Variants in SUGCT observed in about 807,000 individuals in gnomAD.
SUGCT encodes the protein succinyl-CoA:glutarate-CoA transferase.
In SUGCT, 41 loss-of-function variants were observed where a neutral mutation model predicts 55.0. The observed-to-expected ratio is 0.74, with a 90% CI of 0.58 to 0.97. SUGCT has a LOEUF of 0.97. Ranked by LOEUF, SUGCT falls within the 50% of genes least tolerant of loss-of-function variation. The pLI, the probability that SUGCT is intolerant of heterozygous loss-of-function variation, is 0.00. For synonymous variants in SUGCT, 187 were observed against 200.4 expected (o/e 0.93, Z 0.56); for missense variants, 568 against 547.8 (o/e 1.04, Z -0.37).
chr7:40,959,044 A>C, the SUGCT span, among the ~76,000 whole-genome samples: 1 of 152,128 alleles, frequency 6.6e-6, no homozygotes, highest in Non-Finnish European at 1.5e-5. Context: ...TGGAAGCTTC[A>C]TCCCAGAGGG....
the SUGCT span, among the ~76,000 whole-genome samples, chr7:41,001,041 T>A: frequency 6.6e-6 from 1 of 152,218 alleles, no homozygotes; most frequent in African/African-American, 2.4e-5. Flanking sequence ...CATGTGGAGA[T>A]GACAGACAAG....
At chr7:40,672,178 A>G (rs1246941308) in intron 12 of SUGCT, among the ~76,000 whole-genome samples, 12 of 152,236 alleles carry the variant, frequency 7.9e-5, no homozygotes, top group Admixed American at 4.6e-4. Context: ...TTCACATCCT[A>G]TACAAAAATT....
chr7:40,420,832 C>T (rs993322555), intron 9 of SUGCT, among the ~76,000 whole-genome samples: 1 of 152,088 alleles, frequency 6.6e-6, no homozygotes. Context: ...CACACCCACA[C>T]ACTATATATA....
chr7:40,842,702 C>A (rs754767386), intron 13 of SUGCT, among the ~76,000 whole-genome samples: 1 of 152,120 alleles, frequency 6.6e-6, no homozygotes, highest in African/African-American at 2.4e-5. Flanking sequence ...TTCTTGAACA[C>A]CTGTTTTTAT....
chr7:40,982,876 A>G, the SUGCT span, among the ~76,000 whole-genome samples: 1 of 152,026 alleles, frequency 6.6e-6, no homozygotes, highest in Admixed American at 6.6e-5. Context: ...CTCAAACTCC[A>G]AGGCTCAAGC....
rs1791396108 is a variant in SUGCT at position 40,486,950 on chromosome 7, C to G, written c.987-9334C>G. Among the ~76,000 whole-genome samples the G allele has an allele frequency of 2.0e-5, 3 of 151,502 alleles. No individual in the cohort carries two copies. In the South Asian group the frequency reaches 6.2e-4, roughly 32 times the overall value. On this transcript the variant is annotated intron_variant, in intron 11 of 13. Transcript: ENST00000335693. ...TATGTTTCCCAGGCTGCTCTTAACTCTTGTTAAGGAGCATGTTCAGGAGCA... is the reference window on the plus strand; with the variant it reads ...TATGTTTCCCAGGCTGCTCTTAACTGTTGTTAAGGAGCATGTTCAGGAGCA...
intron 6 of SUGCT, among the ~76,000 whole-genome samples, chr7:40,210,685 T>C (rs1371402327): frequency 6.6e-6 from 1 of 152,074 alleles, no homozygotes; most frequent in African/African-American, 2.4e-5. Context: ...TCCTGACGCA[T>C]GTGGCCCCTG....
chr7:40,716,881 G>A (rs926739268), intron 12 of SUGCT, among the ~76,000 whole-genome samples: 1 of 151,916 alleles, frequency 6.6e-6, no homozygotes, highest in African/African-American at 2.4e-5. Context: ...AATGCCACTA[G>A]TCTAACTGTG....
At chr7:40,450,990 G>A (rs1436174649) in intron 10 of SUGCT, among the ~76,000 whole-genome samples, 2 of 152,074 alleles carry the variant, frequency 1.3e-5, no homozygotes, top group African/African-American at 4.8e-5. Context: ...TGGGAAAGAG[G>A]GGAGCCTTTT....
rs1421104147 is a variant in SUGCT, at chr7:40,249,312, G to GCTATCTATATCTATATATCTATAT, written c.576+11590_576+11591insCTATATCTATATATCTATATCTAT. Among the ~76,000 whole-genome samples the GCTATCTATATCTATATATCTATAT allele has an allele frequency of 9.0e-4, 20 of 22,216 alleles. No individual in the cohort carries two copies. The South Asian group carries it at 0.016, about 18-fold the overall frequency. The allele number at this position is 22,216 out of a possible 152,430, so 14.6% of individuals were successfully genotyped here. A position where few individuals can be genotyped will look rare whatever the true frequency, so the allele number is the denominator to read the frequency against. The stretch of plus-strand genomic sequence containing the variant: ...GTCTTAAAACAAAAAACACCAAAAA[G>GCTATCTATATCTATATATCTATAT]CTATATATATATATATATATATATA... On this transcript the variant is annotated intron_variant, in intron 7 of 13. Coordinates refer to ENST00000335693, the MANE Select transcript of SUGCT (RefSeq NM_001193313.2).
chr7:40,745,069 C>A (rs1469268941), intron 12 of SUGCT, among the ~76,000 whole-genome samples: 1 of 152,192 alleles, frequency 6.6e-6, no homozygotes, highest in African/African-American at 2.4e-5. Context: ...TCACTGCCAG[C>A]TTCTTCATTT....
At chr7:40,375,657 C>T (rs1015515753) in intron 9 of SUGCT, among the ~76,000 whole-genome samples, 2 of 152,164 alleles carry the variant, frequency 1.3e-5, no homozygotes, top group Non-Finnish European at 2.9e-5. Flanking sequence ...GAAGTTCCTT[C>T]TACCTTTATT....
chr7:40,762,021 G>T (rs76569417), intron 13 of SUGCT, among the ~76,000 whole-genome samples: 12 of 152,260 alleles, frequency 7.9e-5, no homozygotes, highest in Admixed American at 4.6e-4. Context: ...GACCTCCAGT[G>T]GGGGGCGGTG....
rs557744652 is a variant in SUGCT, at chr7:40,676,606, G to A, written c.1090-72828G>A. Among the ~76,000 whole-genome samples, 367 of 150,874 alleles carry A rather than the reference G, an allele frequency of 2.4e-3. 2 individuals are homozygous for A. Among genetic ancestry groups the A allele is most frequent in the African/African-American group, 8.6e-3 (353 of 40,994 alleles). On this transcript the variant is annotated intron_variant, in intron 12 of 13. Transcript: ENST00000335693. Reference sequence around the variant, plus strand: ...CAACTTCCGCCTCCCGGGTTCAAGCGATTCTCCTGCCTCAGCCTCCTGAGT... The same window carrying A: ...CAACTTCCGCCTCCCGGGTTCAAGCAATTCTCCTGCCTCAGCCTCCTGAGT...
chr7:40,988,499 CAAG>C, the SUGCT span, among the ~76,000 whole-genome samples: 1 of 151,644 alleles, frequency 6.6e-6, no homozygotes, highest in Non-Finnish European at 1.5e-5. Flanking sequence ...GATCATGCCA[CAAG>C]GAGGTGTTCA....
chr7:40,167,463 G>C (rs1465748981), intron 1 of SUGCT, among the ~76,000 whole-genome samples: 1 of 152,134 alleles, frequency 6.6e-6, no homozygotes, highest in East Asian at 1.9e-4. Context: ...TTTGTTCTTA[G>C]AGCTCCCAAG....
the SUGCT span, among the ~76,000 whole-genome samples, chr7:40,950,836 A>C: frequency 3.3e-5 from 5 of 151,950 alleles, no homozygotes; most frequent in Non-Finnish European, 5.9e-5. Flanking sequence ...AAGCTTTTTG[A>C]TGTGTTGCTG....
At chr7:40,818,717 T>C (rs1791810513) in intron 13 of SUGCT, among the ~76,000 whole-genome samples, 1 of 152,096 alleles carries the variant, frequency 6.6e-6, no homozygotes, top group South Asian at 2.1e-4. Context: ...GGGTAAGAGA[T>C]ACAGTACCAC....
At chr7:40,538,578 A>G (rs1007418991) in intron 12 of SUGCT, 3 of 152,218 alleles carry the variant, frequency 2.0e-5, no homozygotes, top group African/African-American at 7.2e-5. Flanking sequence ...AAGCAATGTA[A>G]AACAAAATAA....
Sources: allele counts gnomAD v4.1 joint callset (sites outside exome capture counted in the v4.1 genomes callset), GRCh38; gene constraint gnomAD v4.1.1; transcripts MANE v1.5; gene names NCBI Gene and HGNC (gene_info 2026-07-23, HGNC 2026-07-21).